Variants in LPIN1 observed in about 807,000 individuals in gnomAD.
LPIN1 encodes lipin 1.
In LPIN1, 71 loss-of-function variants were observed where a neutral mutation model predicts 107.5. The observed-to-expected ratio is 0.66, with a 90% CI of 0.55 to 0.80. The LOEUF is 0.80. LPIN1 is among the 30% of genes least tolerant of loss of function. The pLI, the probability that LPIN1 is intolerant of heterozygous loss-of-function variation, is 0.00. For synonymous variants in LPIN1, 445 were observed against 452.6 expected (o/e 0.98, Z 0.21); for missense variants, 1,043 against 1,160.6 (o/e 0.90, Z 1.47).
rs1386515386 is a variant in LPIN1 at position 11,776,098 on chromosome 2, T to C, written c.735T>C (p.Asp245=). 1.7e-5 allele frequency: 26 copies of C among 1,546,602 alleles called. No individual in the cohort carries two copies. The highest frequency in any genetic ancestry group is 2.3e-5 in the Non-Finnish European group (26 of 1,144,306). The change falls in exon 6 of 21, where the codon GAT becomes GAC. Residue 245 remains aspartate, a synonymous_variant. Coordinates refer to ENST00000674199, the MANE Select transcript of LPIN1 (RefSeq NM_001349206.2). The part of the protein sequence containing the change: ...EWSPTPSSLV[D]CKRTAPHLAV... ...TGGTGGTATCCAGTAGCCTGGTAGA[T>C]TGCAAAAGGACTGCCCCTCATCTTG...
upstream of LPIN1, among the ~76,000 whole-genome samples, chr2:11,742,618 T>A (rs1384728291): frequency 2.0e-5 from 3 of 152,254 alleles, no homozygotes; most frequent in African/African-American, 7.2e-5. Flanking sequence ...TTCTAAGTAA[T>A]GGAGTTCTCT....
intron 1 of LPIN1, among the ~76,000 whole-genome samples, chr2:11,693,803 T>TATA (rs1662404264): frequency 4.4e-5 from 1 of 22,894 alleles, no homozygotes; most frequent in Non-Finnish European, 1.2e-4. Flanking sequence ...TATATATATA[T>TATA]ATATATATAT....
chr2:11,804,996 T>TTA, intron 16 of LPIN1, 74 bp from the exon 17 acceptor site: 1 of 904,850 alleles, frequency 1.1e-6, no homozygotes, highest in Non-Finnish European at 1.8e-6. Flanking sequence ...TTTTTTTTTT[T>TTA]TTATGAGGCA....
rs548311444 is a variant in LPIN1 at position 11,785,774 on chromosome 2, G to A, written c.1549+698G>A. Among the ~76,000 whole-genome samples the A allele has an allele frequency of 1.2e-3, 182 of 152,238 alleles. 1 individual carries two copies. The highest frequency in any genetic ancestry group is 4.2e-3 in the African/African-American group (176 of 41,536). ...CCACCCCCATCTCCCCTTCCAACCA[G>A]GGCTGCCATGTGAGACTCCTGCCTC... On this transcript the variant is annotated intron_variant, in intron 10 of 20. Transcript: ENST00000674199.
intron 14 of LPIN1, among the ~76,000 whole-genome samples, chr2:11,797,892 T>C (rs1441853336): frequency 6.6e-6 from 1 of 152,174 alleles, no homozygotes; most frequent in Non-Finnish European, 1.5e-5. Flanking sequence ...AATGATATGC[T>C]TTGGCTCTGT....
chr2:11,783,427 C>T (rs945965591), intron 8 of LPIN1, among the ~76,000 whole-genome samples: 3 of 152,202 alleles, frequency 2.0e-5, no homozygotes, highest in Admixed American at 1.3e-4. Context: ...TGGTGGATGA[C>T]GGCCCTGGTT....
intron 20 of LPIN1, among the ~76,000 whole-genome samples, chr2:11,823,850 G>T (rs556750077): frequency 6.6e-6 from 1 of 152,292 alleles, no homozygotes; most frequent in East Asian, 1.9e-4. Flanking sequence ...GGGAAGCCCT[G>T]CTCTAATTCA....
intron 1 of LPIN1, chr2:11,764,078 G>GTGTGTATATA (rs1313228035): frequency 1.6e-5 from 1 of 63,248 alleles, no homozygotes; most frequent in South Asian, 5.4e-4. Context: ...GTGTGTGTGT[G>GTGTGTATATA]TATATATATA....
At chr2:11,716,154 C>G (rs551572170) in intron 2 of LPIN1, among the ~76,000 whole-genome samples, 31 of 152,178 alleles carry the variant, frequency 2.0e-4, no homozygotes, top group African/African-American at 6.0e-4. Context: ...GTGGACGGTG[C>G]GGATCAGGTG....
rs75238743 is a variant in LPIN1 at position 11,747,530 on chromosome 2, G to A, written c.-10+859G>A. Among the ~76,000 whole-genome samples the A allele has an allele frequency of 3.2e-4, 49 of 152,296 alleles. 2 individuals carry two copies. The East Asian group carries it at 9.3e-3, about 29-fold the overall frequency. ...TAATTTGGAGATGTTTTAGAACCCG[G>A]CAGTTTCCCACAGGATAGAAGTGTT... On this transcript the variant is annotated intron_variant, in intron 1 of 20. Coordinates refer to ENST00000674199, the MANE Select transcript of LPIN1 (RefSeq NM_001349206.2).
chr2:11,677,751 T>A (rs1306893393), intron 1 of LPIN1: 3 of 1,527,000 alleles, frequency 2.0e-6, no homozygotes, highest in South Asian at 1.2e-5. Flanking sequence ...CATGTGGCCA[T>A]CTGCAAACAC....
At chr2:11,760,446 G>A (rs1051069182) in intron 1 of LPIN1, among the ~76,000 whole-genome samples, 7 of 152,376 alleles carry the variant, frequency 4.6e-5, no homozygotes, top group Admixed American at 6.5e-5. Flanking sequence ...TCAGGAGGCC[G>A]AGGCTGGCAG....
rs1300885403 is a variant in LPIN1 at position 11,803,884 on chromosome 2, A to G, written c.2014-539A>G. On this transcript the variant is annotated intron_variant, in intron 15 of 20. Transcript: ENST00000674199. The surrounding 1 kb of genome is among the most constrained non-coding windows in gnomAD (Gnocchi z 4.2). Reference sequence around the variant, plus strand: ...AATTTGGTGTGATTTCTTTGGGTCTAGACTATATTCTTCTGGATATGAGGC... The same window carrying G: ...AATTTGGTGTGATTTCTTTGGGTCTGGACTATATTCTTCTGGATATGAGGC... Among the ~76,000 whole-genome samples, 1 of 152,218 alleles carries G rather than the reference A, an allele frequency of 6.6e-6. No individual in the cohort carries two copies. The highest frequency in any genetic ancestry group is 1.5e-5 in the Non-Finnish European group (1 of 68,032).
chr2:11,792,055 T>C, intron 13 of LPIN1, 49 bp downstream of exon 13: 1 of 1,499,540 alleles, frequency 6.7e-7, no homozygotes, highest in East Asian at 2.3e-5. Context: ...GTGTTGGTTT[T>C]GTGTAGTGAG....
In LPIN1 at chr2:11,804,617, C is replaced by T. The variant is rs918017085; in HGVS notation, c.2162+46C>T. 7 of 1,594,134 alleles carry T rather than the reference C, an allele frequency of 4.4e-6. No homozygotes were observed. The Admixed American group carries it at 8.5e-5, about 19-fold the overall frequency. ...GCCCATGGTAGATTTCTTTGCTTCACCGTGGGGGTCTCTGGGCCTGGTGTT... is the reference window on the plus strand; with the variant it reads ...GCCCATGGTAGATTTCTTTGCTTCATCGTGGGGGTCTCTGGGCCTGGTGTT... On this transcript the variant is annotated intron_variant, in intron 16 of 20. Coordinates refer to ENST00000674199, the MANE Select transcript of LPIN1 (RefSeq NM_001349206.2).
At chr2:11,773,470 T>C (rs542143582) in intron 4 of LPIN1, 150 bp from the exon 5 acceptor site, 2 of 668,336 alleles carry the variant, frequency 3.0e-6, no homozygotes, top group South Asian at 3.4e-5. Flanking sequence ...ATCTCACTTT[T>C]TCCCCCTCCA....
rs926743450 is a variant in LPIN1, at chr2:11,824,670, C to T, written c.2660C>T (p.Pro887Leu). The T allele has an allele frequency of 8.7e-6, 14 of 1,614,072 alleles. No homozygotes were observed. Among genetic ancestry groups the T allele is most frequent in the East Asian group, 2.2e-5 (1 of 44,850 alleles). The change falls in exon 21 of 21, where the codon CCG becomes CTG. Residue 887 changes from proline (P) to leucine (L), a missense_variant. Pro to Leu is a moderately conservative substitution (Grantham distance 98). Coordinates refer to ENST00000674199, the MANE Select transcript of LPIN1 (RefSeq NM_001349206.2). ...TGTGAAGTAGTCGACCACGTTTTCC[C>T]GTTGCTGAAAAGAAGCCATTCTTCA... The part of the protein sequence containing the change: ...RLCEVVDHVF[P>L]LLKRSHSSDF...
In LPIN1 at chr2:11,824,804, A is replaced by C. The variant is rs759815236; in HGVS notation, c.*13A>C. ...TGCCTCAGCGTAAAATGTCCCAAGC[A>C]GCCTCTTGCCAGCAGTGCAGAGCCT... On this transcript the variant is annotated 3_prime_UTR_variant, in exon 21 of 21. Coordinates refer to ENST00000674199, the MANE Select transcript of LPIN1 (RefSeq NM_001349206.2). The C allele has an allele frequency of 1.2e-6, 2 of 1,614,130 alleles. No homozygotes were observed. The highest frequency in any genetic ancestry group is 1.7e-6 in the Non-Finnish European group (2 of 1,180,030).
At chr2:11,714,676 T>G (rs576067424) in intron 2 of LPIN1, among the ~76,000 whole-genome samples, 6 of 152,230 alleles carry the variant, frequency 3.9e-5, no homozygotes, top group Admixed American at 3.3e-4. Context: ...CGTGTGTGGA[T>G]AGGGAGGTTC....
Sources: allele counts gnomAD v4.1 joint callset (sites outside exome capture counted in the v4.1 genomes callset), GRCh38; gene constraint gnomAD v4.1.1; non-coding constraint Gnocchi (gnomAD v3.1); transcripts MANE v1.5; gene names NCBI Gene and HGNC (gene_info 2026-07-23, HGNC 2026-07-21).